Variants in AGO1 observed in about 807,000 individuals in gnomAD.
The protein encoded by AGO1 is argonaute RISC component 1, also known as protein argonaute-1.
In AGO1, 11 loss-of-function variants were observed where a neutral mutation model predicts 109.2. The ratio of observed to expected loss-of-function variants is 0.10; its 90% confidence interval spans 0.06 to 0.17. The LOEUF (loss-of-function observed/expected upper bound fraction) is 0.17. Ranked by LOEUF, AGO1 falls within the 10% of genes least tolerant of loss-of-function variation. The probability of loss-of-function intolerance (pLI) is 1.00; values close to 1 mark genes in which losing one functional copy is unlikely to be tolerated. For synonymous variants in AGO1, 422 were observed against 418.6 expected, an observed-to-expected ratio of 1.01 and a Z score of -0.10; for missense variants, 574 against 1,140.3, an observed-to-expected ratio of 0.50 and a Z score of 7.15.
At position 35,923,919 on chromosome 1, in the gene AGO1, A is replaced by G. The variant is rs1451154583; in HGVS notation, c.*4312A>G. 1 of 152,696 alleles carries G rather than the reference A, an allele frequency of 6.5e-6. No homozygotes were observed. The highest frequency in any genetic ancestry group is 1.5e-5 in the Non-Finnish European group (1 of 68,056). The allele number at this position is 152,696 out of a possible 1,614,324, so 9.5% of individuals were successfully genotyped here. On this transcript the variant is annotated 3_prime_UTR_variant, in exon 19 of 19. Coordinates refer to ENST00000373204, the MANE Select transcript of AGO1 (RefSeq NM_012199.5). ...AATGCACTGAGTCCCTTGGTGTAGTAGCAATAAGGAAAAATGAAATTACTT... is the reference window on the plus strand; with the variant it reads ...AATGCACTGAGTCCCTTGGTGTAGTGGCAATAAGGAAAAATGAAATTACTT...
intron 11 of AGO1, among the ~76,000 whole-genome samples, chr1:35,905,728 C>A (rs1471259589): frequency 6.6e-6 from 1 of 152,140 alleles, no homozygotes; most frequent in Non-Finnish European, 1.5e-5. Flanking sequence ...ACCCTGGCCT[C>A]CCAAAGTGCT....
intron 1 of AGO1, among the ~76,000 whole-genome samples, chr1:35,877,167 T>C (rs1332346627): frequency 6.6e-6 from 1 of 151,994 alleles, no homozygotes; most frequent in East Asian, 1.9e-4. Flanking sequence ...CTGCATAGAG[T>C]GTCAGAACCA....
At chr1:35,899,310 T>C (rs967034548) in intron 8 of AGO1, among the ~76,000 whole-genome samples, 4 of 152,262 alleles carry the variant, frequency 2.6e-5, no homozygotes, top group Non-Finnish European at 4.4e-5. Context: ...CTTGGGTTGC[T>C]TCTTCCTTTT....
intron 8 of AGO1, among the ~76,000 whole-genome samples, chr1:35,900,856 C>T (rs910015828): frequency 5.3e-5 from 8 of 151,940 alleles, no homozygotes; most frequent in East Asian, 1.9e-4. Context: ...GTCTCTGAGC[C>T]GAGATTGTGC....
At chr1:35,918,242 A>T in intron 16 of AGO1, 80 bp from the exon 17 acceptor site, 3 of 1,136,794 alleles carry the variant, frequency 2.6e-6, no homozygotes, top group Non-Finnish European at 4.0e-6. Flanking sequence ...GATTTTGGTG[A>T]AATCAGAGTA....
chr1:35,870,182 AG>A (rs1393993000), intron 1 of AGO1, among the ~76,000 whole-genome samples: 8 of 152,002 alleles, frequency 5.3e-5, no homozygotes, highest in Non-Finnish European at 8.8e-5. Flanking sequence ...TTTTTGTTGA[AG>A]GGGTTGACTA....
At chr1:35,915,576 A>C in intron 15 of AGO1, 34 bp downstream of exon 15, 1 of 1,593,552 alleles carries the variant, frequency 6.3e-7, no homozygotes. Flanking sequence ...AAACCTTCAC[A>C]TCATGGCTGG....
At chr1:35,917,927 C>T (rs752199941) in intron 16 of AGO1, among the ~76,000 whole-genome samples, 200 bp downstream of exon 16, 1 of 152,058 alleles carries the variant, frequency 6.6e-6, no homozygotes, top group South Asian at 2.1e-4. Flanking sequence ...TTCCCTTATA[C>T]TTCCTTTCCC....
In AGO1 at chr1:35,883,827, C is replaced by G. The variant is rs548505754; in HGVS notation, c.25+381C>G. 9.2e-5 allele frequency among the ~76,000 whole-genome samples: 14 copies of G among 152,280 alleles called. No individual in the cohort carries two copies. The East Asian group carries it at 2.7e-3, about 29-fold the overall frequency. On this transcript the variant is annotated intron_variant, in intron 1 of 18. Transcript: ENST00000373204. This position sits in a 1 kb window ranked among gnomAD's most constrained non-coding sequence, Gnocchi z 5.4. ...AGATGGGCCTGGAGCTACCGCATGC[C>G]GGGGGCGGGGGCTCCGCTGGGCTGG...
chr1:35,919,433 G>T lies in AGO1; in HGVS notation c.2466-66G>T. 6.6e-7 allele frequency: 1 copy of T among 1,519,822 alleles called. No individual in the cohort carries two copies. The highest frequency in any genetic ancestry group is 9.0e-7 in the Non-Finnish European group (1 of 1,116,078). 94.1% of individuals were successfully genotyped at this position (1,519,822 alleles called of 1,614,324 possible). A position where few individuals can be genotyped will look rare whatever the true frequency, so the allele number is the denominator to read the frequency against. ...GTATGGGAATTGGCATCCCAGGGCT[G>T]GGCGAGGGAATTAGCAGCAGCTCTC... On this transcript the variant is annotated intron_variant, in intron 18 of 18. Coordinates refer to ENST00000373204, the MANE Select transcript of AGO1 (RefSeq NM_012199.5). The surrounding 1 kb of genome is among the most constrained non-coding windows in gnomAD (Gnocchi z 6.6).
At chr1:35,912,642 C>T (rs559003746) in intron 12 of AGO1, among the ~76,000 whole-genome samples, 4 of 151,926 alleles carry the variant, frequency 2.6e-5, no homozygotes, top group South Asian at 2.1e-4. Flanking sequence ...GGTGTGATCT[C>T]GTCTCACTGT....
chr1:35,881,703 G>C (rs1266700242), upstream of AGO1, among the ~76,000 whole-genome samples: 1 of 152,228 alleles, frequency 6.6e-6, no homozygotes, highest in African/African-American at 2.4e-5. Context: ...CATGGTATAA[G>C]TGTCAGAAAT....
rs939720424 is a variant in AGO1, at chr1:35,919,379, A to G, written c.2466-120A>G. ...TGGTGTCATTGGGCTCGTCTGCCCAATCCTGGGTTGGGTTTCTCTCTTAAG... is the reference window on the plus strand; with the variant it reads ...TGGTGTCATTGGGCTCGTCTGCCCAGTCCTGGGTTGGGTTTCTCTCTTAAG... On this transcript the variant is annotated intron_variant, in intron 18 of 18. Transcript: ENST00000373204. This position sits in a 1 kb window ranked among gnomAD's most constrained non-coding sequence, Gnocchi z 6.6. 2.1e-6 allele frequency: 3 copies of G among 1,461,926 alleles called. No homozygotes were observed. Among genetic ancestry groups the G allele is most frequent in the East Asian group, 2.5e-5 (1 of 40,318 alleles). The allele number at this position is 1,461,926 out of a possible 1,614,324, so 90.6% of individuals were successfully genotyped here. A position where few individuals can be genotyped will look rare whatever the true frequency, so the allele number is the denominator to read the frequency against.
intron 12 of AGO1, among the ~76,000 whole-genome samples, chr1:35,909,106 CT>C (rs1645585148): frequency 6.6e-6 from 1 of 152,196 alleles, no homozygotes. Flanking sequence ...GCATGAGCCA[CT>C]GTGCCCTGCC....
At chr1:35,870,819 A>G (rs189699928) in intron 1 of AGO1, among the ~76,000 whole-genome samples, 2 of 152,204 alleles carry the variant, frequency 1.3e-5, no homozygotes, top group Admixed American at 1.3e-4. Context: ...ATTGTTTAAT[A>G]TGTATATTTG....
In AGO1 at chr1:35,927,519, T is replaced by A. The variant is rs1475198673; in HGVS notation, c.*7912T>A. 1.3e-5 allele frequency: 2 copies of A among 152,218 alleles called. No individual in the cohort carries two copies. The highest frequency in any genetic ancestry group is 1.3e-4 in the Admixed American group (2 of 15,284). The allele number at this position is 152,218 out of a possible 1,614,324, so 9.4% of individuals were successfully genotyped here. A position where few individuals can be genotyped will look rare whatever the true frequency, so the allele number is the denominator to read the frequency against. On this transcript the variant is annotated 3_prime_UTR_variant, in exon 19 of 19. Transcript: ENST00000373204. ...CAAAAGAGAGACAGATTTTTCTGTGTCCTTCTAAAGCAAGGAAGTCTTCCC... is the reference window on the plus strand; with the variant it reads ...CAAAAGAGAGACAGATTTTTCTGTGACCTTCTAAAGCAAGGAAGTCTTCCC...
At chr1:35,886,304 G>A (rs574615372) in intron 1 of AGO1, among the ~76,000 whole-genome samples, 11 of 152,174 alleles carry the variant, frequency 7.2e-5, no homozygotes, top group Admixed American at 7.2e-4. Context: ...CTGGGGTAAG[G>A]GGGGCGGGGA....
chr1:35,889,655 C>T (rs1645181575), intron 2 of AGO1, among the ~76,000 whole-genome samples: 1 of 151,846 alleles, frequency 6.6e-6, no homozygotes, highest in Admixed American at 6.6e-5. Flanking sequence ...TAATTGTTAC[C>T]TTTTTTTCTT....
At chr1:35,903,394 G>C (rs1645457254) in intron 11 of AGO1, among the ~76,000 whole-genome samples, 1 of 151,580 alleles carries the variant, frequency 6.6e-6, no homozygotes, top group Non-Finnish European at 1.5e-5. Context: ...CAGTTAGTTG[G>C]TTACTGCCAT....
Sources: gnomAD v4.1 joint callset for allele counts (sites outside exome capture counted in the v4.1 genomes callset) on GRCh38, gnomAD v4.1.1 for gene constraint, Gnocchi (gnomAD v3.1) non-coding constraint, MANE v1.5 for transcripts, NCBI Gene and HGNC (gene_info 2026-07-23, HGNC 2026-07-21) for gene names.